The following COL4A2 variants were observed in gnomAD, a reference collection of about 807,000 sequenced individuals.
COL4A2 encodes collagen alpha-2(IV) chain.
In COL4A2, 99 loss-of-function variants were observed where a neutral mutation model predicts 200.2. That is an observed-to-expected ratio of 0.49 (90% confidence interval 0.42 to 0.58). COL4A2 has a LOEUF of 0.58. Among genes scored for constraint, COL4A2 ranks in the 20% least tolerant of loss-of-function variants. The pLI is 0.00. For missense variants in COL4A2, 1,950 were observed against 2,314.1 expected (o/e 0.84, Z 3.23); for synonymous variants, 897 against 900.6 (o/e 1.00, Z 0.07).
At chr13:110,400,977 G>T (rs545955885) in intron 4 of COL4A2, among the ~76,000 whole-genome samples, 1 of 152,348 alleles carries the variant, frequency 6.6e-6, no homozygotes, top group South Asian at 2.1e-4. Flanking sequence ...GAAAACATCT[G>T]CTGGACTTCC....
chr13:110,406,348 C>T (rs960123474), intron 4 of COL4A2, among the ~76,000 whole-genome samples: 5 of 152,118 alleles, frequency 3.3e-5, no homozygotes, highest in African/African-American at 7.2e-5. Flanking sequence ...GCTGAGAGCC[C>T]GGCACAGGAC....
intron 4 of COL4A2, among the ~76,000 whole-genome samples, chr13:110,403,983 G>C (rs1004084325): frequency 6.6e-6 from 1 of 152,106 alleles, no homozygotes; most frequent in African/African-American, 2.4e-5. Context: ...TTCACATGAC[G>C]GAAGGGACAA....
rs1382034234 is a variant in COL4A2, at chr13:110,512,392, T to C, written c.*201T>C. On this transcript the variant is annotated 3_prime_UTR_variant, in exon 48 of 48. Coordinates refer to ENST00000360467, the MANE Select transcript of COL4A2 (RefSeq NM_001846.4). Reference sequence around the variant, plus strand: ...CTCGGGGTCCCTGGAGGGCAAGCCCTGCCCACAGAAAGCCAGGAGCAGCCC... The same window carrying C: ...CTCGGGGTCCCTGGAGGGCAAGCCCCGCCCACAGAAAGCCAGGAGCAGCCC... 6 of 890,634 alleles carry C rather than the reference T, an allele frequency of 6.7e-6. No homozygotes were observed. The highest frequency in any genetic ancestry group is 9.9e-6 in the Non-Finnish European group (6 of 606,642). 55.2% of individuals were successfully genotyped at this position (890,634 alleles called of 1,614,324 possible).
intron 11 of COL4A2, among the ~76,000 whole-genome samples, chr13:110,432,670 A>G (rs1159870762): frequency 9.9e-5 from 15 of 152,238 alleles, no homozygotes; most frequent in Non-Finnish European, 2.2e-4. Flanking sequence ...ATTTAGGGAC[A>G]GTTCACATTT....
Position 110,449,724 on chromosome 13 carries a change from G to T in COL4A2, c.1124G>T (p.Gly375Val). ...TTCCCAGGGGCCCAAGGGGAGCCAG[G>T]AAGCCAGGGTGAGCCAGGAGACCCG... is the stretch of plus-strand genomic sequence containing the variant. The part of the protein sequence containing the change: ...PGFPGAQGEP[G>V]SQGEPGDPGL... Residue 375 changes from glycine to valine, a missense_variant, in exon 19 of 48, where the codon GGA becomes GTA. This residue lies in a region of COL4A2 where 565 missense variants were observed against 593.5 expected (regional missense o/e 0.95). Coordinates refer to ENST00000360467, the MANE Select transcript of COL4A2 (RefSeq NM_001846.4). The T allele has an allele frequency of 1.3e-6, 2 of 1,549,878 alleles. No homozygotes were observed. The highest frequency in any genetic ancestry group is 1.7e-6 in the Non-Finnish European group (2 of 1,146,568).
In COL4A2 at chr13:110,508,839, C is replaced by G. The variant is rs981680188; in HGVS notation, c.4881+618C>G. ...TCAGCTTTGGCCAGATTAGGTTTAG[C>G]TTAACCTCCAGGGGAGAGACCACAG... is the stretch of plus-strand genomic sequence containing the variant. On this transcript the variant is annotated intron_variant, in intron 47 of 47. Transcript: ENST00000360467. This position sits in a 1 kb window ranked among gnomAD's most constrained non-coding sequence, Gnocchi z 6.1. Among the ~76,000 whole-genome samples, 4 of 152,112 alleles carry G rather than the reference C, an allele frequency of 2.6e-5. No individual in the cohort carries two copies. In the East Asian group the frequency reaches 7.7e-4, roughly 29 times the overall value.
At chr13:110,402,820 T>G (rs1380073936) in intron 4 of COL4A2, among the ~76,000 whole-genome samples, 1 of 151,868 alleles carries the variant, frequency 6.6e-6, no homozygotes, top group Non-Finnish European at 1.5e-5. Context: ...AGGGCATCCC[T>G]TGGAAGCTGG....
chr13:110,386,880 G>A (rs892313403), intron 4 of COL4A2, among the ~76,000 whole-genome samples: 5 of 152,144 alleles, frequency 3.3e-5, no homozygotes, highest in Non-Finnish European at 7.4e-5. Context: ...TGCTAGAAGG[G>A]TCTACTGAAA....
At chr13:110,374,905 C>G (rs906802120) in intron 4 of COL4A2, among the ~76,000 whole-genome samples, 1 of 152,188 alleles carries the variant, frequency 6.6e-6, no homozygotes, top group African/African-American at 2.4e-5. Context: ...GTCTTACCCT[C>G]TAAGTCAAGG....
chr13:110,493,062 CGATGAGTGACACCCCCATGGGTGAA>C, intron 38 of COL4A2, 124 bp from the exon 39 acceptor site: 28 of 865,984 alleles, frequency 3.2e-5, no homozygotes, highest in South Asian at 8.3e-5. Flanking sequence ...GGTGAAATAA[CGATGAGTGACACCCCCATGGGTGAA>C]ATAACGATGA....
intron 5 of COL4A2, 32 bp from the exon 6 acceptor site, chr13:110,424,921 G>C (rs1880411985): frequency 6.2e-7 from 1 of 1,614,116 alleles, no homozygotes; most frequent in South Asian, 1.1e-5. Context: ...GGGTATCTCA[G>C]CCTTGGTTAA....
chr13:110,466,176 C>A, intron 26 of COL4A2, 114 bp downstream of exon 26: 1 of 1,251,620 alleles, frequency 8.0e-7, no homozygotes, highest in Non-Finnish European at 1.1e-6. Context: ...GTGCAAGCCA[C>A]GTTTGATTTC....
At chr13:110,494,070 A>ACT (rs1566566281) in intron 39 of COL4A2, among the ~76,000 whole-genome samples, 1 of 151,852 alleles carries the variant, frequency 6.6e-6, no homozygotes, top group African/African-American at 2.4e-5. Flanking sequence ...AGGGCTTCTT[A>ACT]CCACAGGAAA....
In COL4A2 at chr13:110,486,604, C is replaced by T. The variant is rs148991303; in HGVS notation, c.3207+768C>T. Among the ~76,000 whole-genome samples the T allele has an allele frequency of 4.5e-3, 678 of 152,246 alleles. 3 individuals are homozygous for T. The highest frequency in any genetic ancestry group is 0.015 in the African/African-American group (612 of 41,548). On this transcript the variant is annotated intron_variant, in intron 34 of 47. Coordinates refer to ENST00000360467, the MANE Select transcript of COL4A2 (RefSeq NM_001846.4). ...TGGGCCCCTTGATGTGTTTCAGTCG[C>T]GTCCGTGTGAAAAGACCACCAAACA...
chr13:110,385,130 C>A (rs180788288), intron 4 of COL4A2, among the ~76,000 whole-genome samples: 1 of 152,008 alleles, frequency 6.6e-6, no homozygotes, highest in South Asian at 2.1e-4. Context: ...GGCGCAGTGG[C>A]GGGTGCCTGT....
chr13:110,488,674 A>C (rs1883187946), intron 34 of COL4A2, among the ~76,000 whole-genome samples: 1 of 152,206 alleles, frequency 6.6e-6, no homozygotes, highest in Non-Finnish European at 1.5e-5. Flanking sequence ...GACCTTAAGC[A>C]AAACCTTTCT....
At chr13:110,444,795 T>C (rs1239160509) in intron 16 of COL4A2, among the ~76,000 whole-genome samples, 1 of 152,252 alleles carries the variant, frequency 6.6e-6, no homozygotes. Flanking sequence ...GACTCAATGA[T>C]AAACTTTTTC....
chr13:110,433,539 A>G (rs534151257), intron 11 of COL4A2, among the ~76,000 whole-genome samples: 1 of 152,360 alleles, frequency 6.6e-6, no homozygotes, highest in African/African-American at 2.4e-5. Context: ...GGAAGAAGCA[A>G]AAGGCAAAAA....
At chr13:110,486,004 T>C (rs2139529600) in intron 34 of COL4A2, among the ~76,000 whole-genome samples, 168 bp downstream of exon 34, 1 of 152,342 alleles carries the variant, frequency 6.6e-6, no homozygotes, top group East Asian at 1.9e-4. Flanking sequence ...CTGCTGCACT[T>C]GGACACCATG....
Sources: gnomAD v4.1 joint callset for allele counts (sites outside exome capture counted in the v4.1 genomes callset) on GRCh38, gnomAD v4.1.1 for gene constraint, gnomAD v4.1.1 regional missense constraint, Gnocchi (gnomAD v3.1) non-coding constraint, MANE v1.5 for transcripts, NCBI Gene and HGNC (gene_info 2026-07-23, HGNC 2026-07-21) for gene names.